The following AGMO variants were observed in gnomAD, a reference collection of about 807,000 sequenced individuals.
AGMO encodes alkylglycerol monooxygenase, also known as glyceryl-ether monooxygenase.
AGMO carries 75 observed loss-of-function variants against 60.2 expected under a neutral mutation model. The ratio of observed to expected loss-of-function variants is 1.25; its 90% CI spans 1.03 to 1.51. The LOEUF (loss-of-function observed/expected upper bound fraction) is 1.51. AGMO is among the 40% of genes most tolerant of loss of function. The pLI, the probability that AGMO is intolerant of heterozygous loss-of-function variation, is 0.00. For missense variants in AGMO, 763 were observed against 525.5 expected, an observed-to-expected ratio of 1.45 and a Z score of -4.42; for synonymous variants, 261 against 177.1, an observed-to-expected ratio of 1.47 and a Z score of -3.76.
chr7:15,337,333 A>G (rs1016624413), intron 12 of AGMO, among the ~76,000 whole-genome samples: 3 of 152,222 alleles, frequency 2.0e-5, no homozygotes, highest in East Asian at 1.9e-4. Flanking sequence ...TCATAATTAT[A>G]TAATTCATAT....
intron 10 of AGMO, among the ~76,000 whole-genome samples, chr7:15,370,373 TG>T (rs1783160442): frequency 1.3e-5 from 2 of 152,212 alleles, no homozygotes; most frequent in Non-Finnish European, 2.9e-5. Flanking sequence ...TGAGTGCATG[TG>T]TCTTTTAGAG....
intron 12 of AGMO, among the ~76,000 whole-genome samples, chr7:15,258,347 A>G (rs200920743): frequency 1.3e-5 from 2 of 151,204 alleles, no homozygotes; most frequent in East Asian, 3.9e-4. Flanking sequence ...TTTTTCCTTT[A>G]GTTTTTAGAT....
intron 3 of AGMO, among the ~76,000 whole-genome samples, chr7:15,521,645 C>A (rs1783990357): frequency 6.6e-6 from 1 of 152,166 alleles, no homozygotes. Context: ...TAAAATTCAA[C>A]ACCCCTTCAT....
At chr7:15,388,459 G>C (rs998717218) in intron 8 of AGMO, among the ~76,000 whole-genome samples, 1 of 152,190 alleles carries the variant, frequency 6.6e-6, no homozygotes, top group Non-Finnish European at 1.5e-5. Context: ...GTGCGTAGAA[G>C]TTATAATGTA....
chr7:15,556,954 A>T (rs1183948722), intron 2 of AGMO, among the ~76,000 whole-genome samples: 3 of 152,016 alleles, frequency 2.0e-5, no homozygotes, highest in Non-Finnish European at 4.4e-5. Context: ...GGACAGATGG[A>T]CTTTTATTAC....
At chr7:15,438,611 C>T (rs370498410) in intron 3 of AGMO, among the ~76,000 whole-genome samples, 1 of 152,092 alleles carries the variant, frequency 6.6e-6, no homozygotes, top group Non-Finnish European at 1.5e-5. Flanking sequence ...GTAAAGAACT[C>T]GTGTGCCTTC....
intron 12 of AGMO, among the ~76,000 whole-genome samples, chr7:15,220,387 A>G (rs1383477026): frequency 7.0e-6 from 1 of 143,544 alleles, no homozygotes; most frequent in Non-Finnish European, 1.5e-5. Flanking sequence ...TTCCTGGCTA[A>G]TTTTTTTTTT....
intron 3 of AGMO, among the ~76,000 whole-genome samples, chr7:15,436,623 T>C (rs974150256): frequency 1.3e-5 from 2 of 152,188 alleles, no homozygotes; most frequent in African/African-American, 2.4e-5. Flanking sequence ...TCCAAACTTT[T>C]AATTTTATAA....
chr7:15,524,932 A>T (rs1054798733), intron 3 of AGMO, among the ~76,000 whole-genome samples: 1 of 151,990 alleles, frequency 6.6e-6, no homozygotes, highest in Non-Finnish European at 1.5e-5. Flanking sequence ...AATAATATAT[A>T]TAGAATTATA....
chr7:15,364,028 T>C (rs545625621), intron 12 of AGMO, among the ~76,000 whole-genome samples: 48 of 152,142 alleles, frequency 3.2e-4, no homozygotes, highest in Non-Finnish European at 5.4e-4. Flanking sequence ...AAAATGAACA[T>C]ACACATTAAA....
At chr7:15,317,679 T>C (rs1780967448) in intron 12 of AGMO, among the ~76,000 whole-genome samples, 1 of 151,956 alleles carries the variant, frequency 6.6e-6, no homozygotes, top group Non-Finnish European at 1.5e-5. Context: ...CTTTCATTTA[T>C]TCATTACTTT....
chr7:15,501,833 C>T (rs1318413506), intron 3 of AGMO, among the ~76,000 whole-genome samples: 1 of 151,756 alleles, frequency 6.6e-6, no homozygotes, highest in Non-Finnish European at 1.5e-5. Flanking sequence ...TAAATAATCC[C>T]AGGGAAATAA....
At chr7:15,393,729 G>T (rs1171143966) in intron 6 of AGMO, among the ~76,000 whole-genome samples, 2 of 152,132 alleles carry the variant, frequency 1.3e-5, no homozygotes, top group Non-Finnish European at 2.9e-5. Flanking sequence ...CAGTTTTCAA[G>T]ACCACTAACT....
At chr7:15,178,997 T>C in the AGMO span, among the ~76,000 whole-genome samples, 1 of 152,116 alleles carries the variant, frequency 6.6e-6, no homozygotes, top group Non-Finnish European at 1.5e-5. Context: ...CCTGTAATAA[T>C]GGCATTAATT....
At chr7:15,419,277 AC>A (rs1299785043) in intron 4 of AGMO, among the ~76,000 whole-genome samples, 1 of 151,988 alleles carries the variant, frequency 6.6e-6, no homozygotes, top group Non-Finnish European at 1.5e-5. Flanking sequence ...CCTCTTCCTT[AC>A]AAAGACAACT....
intron 11 of AGMO, 34 bp downstream of exon 11, chr7:15,366,106 A>C (rs1782966163): frequency 1.3e-6 from 2 of 1,523,786 alleles, no homozygotes; most frequent in Non-Finnish European, 1.8e-6. Context: ...GAATTGAGTA[A>C]AAGTAAAAAC....
chr7:15,380,123 C>T (rs1783615084), intron 10 of AGMO, among the ~76,000 whole-genome samples: 1 of 152,100 alleles, frequency 6.6e-6, no homozygotes, highest in African/African-American at 2.4e-5. Flanking sequence ...CTCCGTCTCT[C>T]ACCACTCCTA....
At chr7:15,558,537 C>G (rs190885100) in intron 2 of AGMO, among the ~76,000 whole-genome samples, 4 of 151,892 alleles carry the variant, frequency 2.6e-5, no homozygotes, top group African/African-American at 9.7e-5. Context: ...TTAAAGGGGA[C>G]AAGTATTATA....
At chr7:15,446,424 T>C (rs2128503897) in intron 3 of AGMO, among the ~76,000 whole-genome samples, 1 of 152,332 alleles carries the variant, frequency 6.6e-6, no homozygotes, top group Admixed American at 6.5e-5. Flanking sequence ...CTCCTGGTAT[T>C]GCAGAGTTGC....
Sources: allele counts gnomAD v4.1 joint callset (sites outside exome capture counted in the v4.1 genomes callset), GRCh38; gene constraint gnomAD v4.1.1; transcripts MANE v1.5; gene names NCBI Gene and HGNC (gene_info 2026-07-23, HGNC 2026-07-21).